ZFP1: variants seen among roughly 807,000 people sequenced by gnomAD.
ZFP1 encodes the protein ZFP1 zinc finger protein.
A neutral mutation model predicts 38.5 loss-of-function variants in ZFP1; 32 were observed. That is an observed-to-expected ratio of 0.83 (90% CI 0.63 to 1.12). ZFP1 has a LOEUF of 1.12. ZFP1 is among the 50% of genes most tolerant of loss of function. ZFP1 has a pLI of 0.00. For synonymous variants in ZFP1, 245 were observed against 168.8 expected, an observed-to-expected ratio of 1.45 and a Z score of -3.50; for missense variants, 616 against 480.8, an observed-to-expected ratio of 1.28 and a Z score of -2.63.
chr16:75,141,681 A>G, the ZFP1 span, among the ~76,000 whole-genome samples: 3 of 151,890 alleles, frequency 2.0e-5, no homozygotes, highest in Non-Finnish European at 4.4e-5. Context: ...GAGACCAGGA[A>G]TTTGAGACCA....
At chr16:75,134,269 C>A in the ZFP1 span, among the ~76,000 whole-genome samples, 1 of 151,984 alleles carries the variant, frequency 6.6e-6, no homozygotes, top group Admixed American at 6.6e-5. Flanking sequence ...AATTTTATCT[C>A]AAAAAAATTT....
intron 2 of ZFP1, among the ~76,000 whole-genome samples, chr16:75,156,318 G>A (rs12917671): frequency 0.78 from 119,294 of 152,140 alleles, 47,946 homozygotes; most frequent in Non-Finnish European, 0.87. Context: ...TTAGCCGGGC[G>A]TGGTAGCATG....
At chr16:75,149,276 C>T (rs966782542) in intron 1 of ZFP1, 3 of 152,184 alleles carry the variant, frequency 2.0e-5, no homozygotes, top group Non-Finnish European at 4.4e-5. Flanking sequence ...ATGTGAGCAG[C>T]AGATATTTTT....
chr16:75,151,177 A>G lies in ZFP1; in HGVS notation c.-43-1732A>G, dbSNP rs549489473. On this transcript the variant is annotated intron_variant, in intron 1 of 3. Transcript: ENST00000570010. ...CCTGACCCTCTTTTTCCATTCTTTT[A>G]TCTTTTTTTTTTTTAATTTCCTGAC... is the stretch of plus-strand genomic sequence containing the variant. Among the ~76,000 whole-genome samples, 377 of 147,374 alleles carry G rather than the reference A, an allele frequency of 2.6e-3. 2 individuals carry two copies. The highest frequency in any genetic ancestry group is 8.9e-3 in the African/African-American group (355 of 40,032).
At chr16:75,146,854 C>T (rs909074938), upstream of ZFP1, among the ~76,000 whole-genome samples, 2 of 146,194 alleles carry the variant, frequency 1.4e-5, no homozygotes, top group Non-Finnish European at 3.0e-5. Flanking sequence ...CTGGGAGGGT[C>T]ACTTGAGCCC....
chr16:75,122,652 C>G, the ZFP1 span, among the ~76,000 whole-genome samples: 1 of 152,220 alleles, frequency 6.6e-6, no homozygotes, highest in Non-Finnish European at 1.5e-5. Context: ...ATAGCTACAT[C>G]TTAAATTTAG....
At chr16:75,123,362 A>ATG in the ZFP1 span, among the ~76,000 whole-genome samples, 21 of 141,334 alleles carry the variant, frequency 1.5e-4, 2 homozygotes, top group East Asian at 7.9e-4. Context: ...AAATATATAT[A>ATG]TGTGTATATA....
Position 75,166,810 on chromosome 16 carries a change from A to G in ZFP1, c.56A>G (p.Gln19Arg). 1 of 1,614,188 alleles carries G rather than the reference A, an allele frequency of 6.2e-7. No homozygotes were observed. The highest frequency in any genetic ancestry group is 8.5e-7 in the Non-Finnish European group (1 of 1,180,018). ...ACGGATGTGACTGTGGACTTTACCC[A>G]GGAGGAATGGGAACAACTGGACCCC... ...SFTDVTVDFT[Q>R]EEWEQLDPSQ... The change falls in exon 3 of 4, where the codon CAG becomes CGG. Residue 19 changes from glutamine to arginine, a missense_variant. By Grantham distance (43) the Gln-to-Arg change is conservative. Coordinates refer to ENST00000570010, the MANE Select transcript of ZFP1 (RefSeq NM_153688.4).
In ZFP1 at chr16:75,169,637, A is replaced by C; in HGVS notation, c.527A>C (p.Lys176Thr). 1 of 1,594,328 alleles carries C rather than the reference A, an allele frequency of 6.3e-7. No homozygotes were observed. The highest frequency in any genetic ancestry group is 8.5e-7 in the Non-Finnish European group (1 of 1,174,644). Reference protein sequence around the residue: ...SHKAAIFKHQKIKNLVQPFIC... With the variant: ...SHKAAIFKHQTIKNLVQPFIC... Reference sequence around the variant, plus strand: ...AAAGCAGCCATTTTTAAACATCAGAAAATAAAAAACTTGGTTCAACCTTTC... The same window carrying C: ...AAAGCAGCCATTTTTAAACATCAGACAATAAAAAACTTGGTTCAACCTTTC... The change falls in exon 4 of 4, where the codon AAA (lysine) becomes ACA (threonine). Residue 176 changes from lysine (K) to threonine (T), a missense_variant. Coordinates refer to ENST00000570010, the MANE Select transcript of ZFP1 (RefSeq NM_153688.4).
chr16:75,124,073 G>C, the ZFP1 span, among the ~76,000 whole-genome samples: 7 of 151,728 alleles, frequency 4.6e-5, no homozygotes, highest in East Asian at 4.0e-4. Context: ...CAGCCTGGGT[G>C]ACAAAGTGAG....
rs191888562 is a variant in ZFP1, at chr16:75,152,815, G to C, written c.-43-94G>C. ...TTTCCCAGGAGGTGGTATTTTCCCA[G>C]GTGGTCTCTAGGGGTTTCTAAACAA... On this transcript the variant is annotated intron_variant, in intron 1 of 3. Coordinates refer to ENST00000570010, the MANE Select transcript of ZFP1 (RefSeq NM_153688.4). 70 of 1,165,206 alleles carry C rather than the reference G, an allele frequency of 6.0e-5. No individual in the cohort carries two copies. In the East Asian group the frequency reaches 8.5e-4, roughly 14 times the overall value. 72.2% of individuals were successfully genotyped at this position (1,165,206 alleles called of 1,614,324 possible). A position where few individuals can be genotyped will look rare whatever the true frequency, so the allele number is the denominator to read the frequency against.
chr16:75,152,485 C>T (rs1421704657), intron 1 of ZFP1, among the ~76,000 whole-genome samples: 1 of 152,164 alleles, frequency 6.6e-6, no homozygotes, highest in East Asian at 1.9e-4. Flanking sequence ...GAAAGATCAA[C>T]TCTGTTACTG....
At chr16:75,158,971 A>G (rs2037609148) in intron 2 of ZFP1, among the ~76,000 whole-genome samples, 1 of 144,608 alleles carries the variant, frequency 6.9e-6, no homozygotes, top group South Asian at 2.1e-4. Flanking sequence ...ATCTCCATTC[A>G]CTGCAACCTC....
chr16:75,169,852 G>A lies in ZFP1; in HGVS notation c.742G>A (p.Ala248Thr). Residue 248 changes from alanine to threonine, a missense_variant, in exon 4 of 4, where the codon GCT (alanine) becomes ACT (threonine). Ala to Thr is a moderately conservative substitution (Grantham distance 58). Transcript: ENST00000570010. ...KPFECPECGK[A>T]FTHQSNLIVH... The stretch of plus-strand genomic sequence containing the variant: ...TTTCGAGTGTCCGGAATGTGGAAAA[G>A]CTTTCACCCACCAGTCAAACCTCAT... 6.2e-7 allele frequency: 1 copy of A among 1,614,142 alleles called. No homozygotes were observed. The highest frequency in any genetic ancestry group is 2.2e-5 in the East Asian group (1 of 44,878).
chr16:75,148,697 G>A (rs1447664328), intron 1 of ZFP1, 54 bp downstream of exon 1: 2 of 152,298 alleles, frequency 1.3e-5, no homozygotes, highest in African/African-American at 4.8e-5. Flanking sequence ...AGGGGAAGGA[G>A]ATGAGGGATG....
intron 2 of ZFP1, among the ~76,000 whole-genome samples, chr16:75,165,800 C>G (rs2038044817): frequency 6.6e-6 from 1 of 151,688 alleles, no homozygotes; most frequent in African/African-American, 2.4e-5. Flanking sequence ...TTGGAAAATT[C>G]TCAGCTGTTA....
chr16:75,149,173 C>G (rs2037052637), intron 1 of ZFP1: 3 of 152,184 alleles, frequency 2.0e-5, no homozygotes. Flanking sequence ...CCCGTGACTT[C>G]CAGCGTTATC....
chr16:75,165,732 A>G (rs912556329), intron 2 of ZFP1, among the ~76,000 whole-genome samples: 1 of 151,178 alleles, frequency 6.6e-6, no homozygotes, highest in African/African-American at 2.4e-5. Flanking sequence ...TTTTTTTTTA[A>G]TGTACTTATT....
At chr16:75,149,562 T>C (rs1395748658) in intron 1 of ZFP1, among the ~76,000 whole-genome samples, 10 of 138,844 alleles carry the variant, frequency 7.2e-5, no homozygotes, top group African/African-American at 2.3e-4. Flanking sequence ...ACTTTCTTTT[T>C]TTTTTTTTTT....
Sources: gnomAD v4.1 joint callset for allele counts (sites outside exome capture counted in the v4.1 genomes callset) on GRCh38, gnomAD v4.1.1 for gene constraint, MANE v1.5 for transcripts, NCBI Gene and HGNC (gene_info 2026-07-23, HGNC 2026-07-21) for gene names.